The following SKAP1 variants were observed in gnomAD, a reference collection of about 807,000 sequenced individuals.
The protein encoded by SKAP1 is src kinase-associated phosphoprotein 1.
In SKAP1, 44 loss-of-function variants were observed where a neutral mutation model predicts 58.5. The observed-to-expected ratio is 0.75, with a 90% confidence interval of 0.59 to 0.97. The LOEUF (loss-of-function observed/expected upper bound fraction) is 0.97. Ranked by LOEUF, SKAP1 falls within the 50% of genes least tolerant of loss-of-function variation. The probability of loss-of-function intolerance (pLI) is 0.00; values close to 1 mark genes in which losing one functional copy is unlikely to be tolerated. For missense variants in SKAP1, 390 were observed against 435.2 expected (o/e 0.90, Z 0.92); for synonymous variants, 127 against 149.7 (o/e 0.85, Z 1.11).
intron 4 of SKAP1, among the ~76,000 whole-genome samples, chr17:48,252,488 C>CAT (rs1426949733): frequency 2.0e-5 from 3 of 152,162 alleles, no homozygotes; most frequent in African/African-American, 7.2e-5. Context: ...CTGTACTTTA[C>CAT]ATATATATCT....
intron 4 of SKAP1, among the ~76,000 whole-genome samples, chr17:48,190,468 T>C (rs2064526194): frequency 6.6e-6 from 1 of 152,172 alleles, no homozygotes. Flanking sequence ...CTCACTGAGA[T>C]AATCAAAAGT....
rs529607361 is a variant in SKAP1 at position 48,363,492 on chromosome 17, T to A, written c.178+297A>T. Among the ~76,000 whole-genome samples the A allele has an allele frequency of 2.0e-5, 3 of 152,356 alleles. No homozygotes were observed. The East Asian group carries it at 5.8e-4, about 29-fold the overall frequency. ...GGACTTGGCTACCATTTTATTTGAA[T>A]GCTACTGGATCCTGTTGGCACCTAA... On this transcript the variant is annotated intron_variant, in intron 3 of 12. Coordinates refer to ENST00000336915, the MANE Select transcript of SKAP1 (RefSeq NM_003726.4).
chr17:48,144,682 T>C (rs7208796), intron 11 of SKAP1, among the ~76,000 whole-genome samples: 25,431 of 152,194 alleles, frequency 0.17, 2,185 homozygotes, highest in Non-Finnish European at 0.18. Context: ...ACCCTGCTCC[T>C]GTCTAAAGGT....
chr17:48,177,280 A>G (rs1305438386), intron 9 of SKAP1, among the ~76,000 whole-genome samples: 1 of 152,196 alleles, frequency 6.6e-6, no homozygotes, highest in Non-Finnish European at 1.5e-5. Flanking sequence ...TCAAGGAGGT[A>G]ACACTTCCTG....
chr17:48,171,026 A>G (rs1262516191), intron 9 of SKAP1, among the ~76,000 whole-genome samples: 1 of 148,866 alleles, frequency 6.7e-6, no homozygotes, highest in Non-Finnish European at 1.5e-5. Context: ...CATGTTCCTT[A>G]TACGGAAAGG....
In SKAP1 at chr17:48,373,900, G is replaced by A. The variant is rs1237824150; in HGVS notation, c.153-10086C>T. Among the ~76,000 whole-genome samples the A allele has an allele frequency of 2.0e-5, 3 of 152,098 alleles. No homozygotes were observed. In the East Asian group the frequency reaches 5.8e-4, roughly 29 times the overall value. On this transcript the variant is annotated intron_variant, in intron 2 of 12. Transcript: ENST00000336915. ...TCTAGATGAATTTTTTTTTGCAACT[G>A]AAGTATTAAAAGTGTTATTTTACCT...
At chr17:48,203,740 G>A (rs926112974) in intron 4 of SKAP1, 7 of 152,150 alleles carry the variant, frequency 4.6e-5, no homozygotes, top group African/African-American at 1.4e-4. Context: ...AGGTAGATTG[G>A]TTCCAGATTC....
At chr17:48,230,118 C>T (rs967581578) in intron 4 of SKAP1, among the ~76,000 whole-genome samples, 3 of 152,166 alleles carry the variant, frequency 2.0e-5, no homozygotes, top group East Asian at 3.8e-4. Flanking sequence ...CTTGTCCAGC[C>T]ATGGCCATTA....
At chr17:48,419,118 AGAGG>A (rs1598682750) in intron 1 of SKAP1, among the ~76,000 whole-genome samples, 1 of 152,018 alleles carries the variant, frequency 6.6e-6, no homozygotes, top group African/African-American at 2.4e-5. Flanking sequence ...AAAAGAAGAG[AGAGG>A]GAGGGAGAGA....
At chr17:48,197,591 A>G (rs2064655482) in intron 4 of SKAP1, among the ~76,000 whole-genome samples, 1 of 152,194 alleles carries the variant, frequency 6.6e-6, no homozygotes, top group Admixed American at 6.5e-5. Context: ...TGGAAGCTTG[A>G]GGCAGGAGGA....
At chr17:48,162,996 A>G (rs909756192) in intron 10 of SKAP1, among the ~76,000 whole-genome samples, 14 of 152,172 alleles carry the variant, frequency 9.2e-5, no homozygotes, top group Non-Finnish European at 1.6e-4. Context: ...ATTTACAAGA[A>G]AGGCTTAGTC....
At chr17:48,290,917 G>T (rs140994798) in intron 4 of SKAP1, among the ~76,000 whole-genome samples, 50 of 152,258 alleles carry the variant, frequency 3.3e-4, no homozygotes, top group Admixed American at 3.1e-3. Flanking sequence ...AAGGCAGGAG[G>T]GTCGCTTGAG....
intron 4 of SKAP1, among the ~76,000 whole-genome samples, chr17:48,344,456 T>A (rs1162334680): frequency 2.6e-5 from 4 of 152,152 alleles, no homozygotes; most frequent in African/African-American, 9.7e-5. Context: ...GGATTACTTA[T>A]TGTGTTCTCA....
rs531174522 is a variant in SKAP1, at chr17:48,147,477, C to G, written c.979-10140G>C. ...ATAATGCTTTCTTAGAATATCATAC[C>G]CTATGAAATAAATTAAGGGCTCCAA... On this transcript the variant is annotated intron_variant, in intron 11 of 12. Coordinates refer to ENST00000336915, the MANE Select transcript of SKAP1 (RefSeq NM_003726.4). Among the ~76,000 whole-genome samples, 32 of 152,218 alleles carry G rather than the reference C, an allele frequency of 2.1e-4. 1 individual carries two copies. The South Asian group carries it at 5.4e-3, about 26-fold the overall frequency.
chr17:48,244,830 A>G (rs941636826), intron 4 of SKAP1, among the ~76,000 whole-genome samples: 1 of 152,258 alleles, frequency 6.6e-6, no homozygotes, highest in Non-Finnish European at 1.5e-5. Context: ...CAAACAAAAT[A>G]AAAGAGCTGA....
intron 4 of SKAP1, among the ~76,000 whole-genome samples, chr17:48,341,414 G>A (rs1362528689): frequency 2.0e-5 from 3 of 152,040 alleles, no homozygotes; most frequent in Admixed American, 6.5e-5. Context: ...ACAAAATCTA[G>A]TCTATTATTA....
intron 2 of SKAP1, among the ~76,000 whole-genome samples, chr17:48,370,909 T>A (rs949190025): frequency 8.5e-5 from 13 of 152,178 alleles, no homozygotes; most frequent in African/African-American, 1.4e-4. Context: ...TAGATTTTTT[T>A]AAATATGGCA....
chr17:48,224,872 T>C (rs2065049010), intron 4 of SKAP1, among the ~76,000 whole-genome samples: 2 of 152,202 alleles, frequency 1.3e-5, no homozygotes, highest in African/African-American at 2.4e-5. Context: ...CCATATTTTG[T>C]GTCAGTACAG....
rs1347861038 is a variant in SKAP1, at chr17:48,410,701, C to T, written c.47-13916G>A. 3.3e-5 allele frequency among the ~76,000 whole-genome samples: 5 copies of T among 151,774 alleles called. 1 individual carries two copies. Among genetic ancestry groups the T allele is most frequent in the Admixed American group, 2.0e-4 (3 of 15,246 alleles). On this transcript the variant is annotated intron_variant, in intron 1 of 12. Coordinates refer to ENST00000336915, the MANE Select transcript of SKAP1 (RefSeq NM_003726.4). ...CAGCACTTTGGGAGGCCAAGGTGGG[C>T]GGATCACTTGAGGTGAGGAGTTTGA...
Sources: allele counts gnomAD v4.1 joint callset (sites outside exome capture counted in the v4.1 genomes callset), GRCh38; gene constraint gnomAD v4.1.1; transcripts MANE v1.5; gene names NCBI Gene and HGNC (gene_info 2026-07-23, HGNC 2026-07-21).